FAM47E: variants seen among roughly 807,000 people sequenced by gnomAD.
FAM47E encodes the protein family with sequence similarity 47 member E.
In FAM47E, 32 loss-of-function variants were observed where a neutral mutation model predicts 41.6. That is an observed-to-expected ratio of 0.77 (90% CI 0.58 to 1.03). FAM47E has a LOEUF of 1.03. FAM47E is among the 50% of genes least tolerant of loss of function. FAM47E has a pLI of 0.00. For missense variants in FAM47E, 424 were observed against 485.4 expected (o/e 0.87, Z 1.19); for synonymous variants, 184 against 188.7 (o/e 0.98, Z 0.20).
chr4:76,235,182 G>A (rs1367159296), intron 2 of FAM47E, among the ~76,000 whole-genome samples: 4 of 152,108 alleles, frequency 2.6e-5, no homozygotes, highest in Admixed American at 1.3e-4. Context: ...GCCGGGCGTG[G>A]TGGCGGGCTT....
intron 2 of FAM47E, among the ~76,000 whole-genome samples, chr4:76,244,176 A>G (rs187579963): frequency 6.6e-5 from 10 of 152,272 alleles, no homozygotes; most frequent in Admixed American, 2.0e-4. Flanking sequence ...AGTCTTTGCT[A>G]TTGTGAATAG....
At chr4:76,279,438 T>A (rs1327128892) in intron 6 of FAM47E, 1 of 152,246 alleles carries the variant, frequency 6.6e-6, no homozygotes, top group Non-Finnish European at 1.5e-5. Context: ...TGACAAATGC[T>A]ATAAAGATGT....
upstream of FAM47E, among the ~76,000 whole-genome samples, chr4:76,247,512 A>G (rs555614534): frequency 2.0e-5 from 3 of 152,098 alleles, no homozygotes; most frequent in African/African-American, 7.2e-5. Context: ...AGGACTGCCA[A>G]ACTATTTTCC....
intron 5 of FAM47E, among the ~76,000 whole-genome samples, chr4:76,274,554 C>G (rs892599391): frequency 6.6e-6 from 1 of 152,170 alleles, no homozygotes; most frequent in African/African-American, 2.4e-5. Context: ...GTACTCCAGT[C>G]TGGGTAACAG....
chr4:76,252,717 C>A (rs775506460), intron 1 of FAM47E, among the ~76,000 whole-genome samples: 1 of 152,072 alleles, frequency 6.6e-6, no homozygotes, highest in Non-Finnish European at 1.5e-5. Flanking sequence ...GGAAGCTTCT[C>A]CCCCCCATTT....
intron 1 of FAM47E, 26 bp downstream of exon 1, chr4:76,251,846 G>A: frequency 7.1e-7 from 1 of 1,399,360 alleles, no homozygotes; most frequent in Non-Finnish European, 9.2e-7. Context: ...CCGGGCCGAG[G>A]GCGCATCCCA....
At chr4:76,251,566 C>G, upstream of FAM47E, 1 of 1,235,078 alleles carries the variant, frequency 8.1e-7, no homozygotes, top group Non-Finnish European at 1.0e-6. Context: ...TCCCTTCCCT[C>G]GGCCAGGTCC....
intron 2 of FAM47E, among the ~76,000 whole-genome samples, chr4:76,244,633 C>T (rs570256843): frequency 2.1e-4 from 32 of 150,882 alleles, no homozygotes; most frequent in Admixed American, 1.6e-3. Context: ...CTCCACCCTC[C>T]GAGTTCAAGT....
intron 2 of FAM47E, among the ~76,000 whole-genome samples, chr4:76,262,368 T>C (rs1304974210): frequency 6.6e-6 from 1 of 152,208 alleles, no homozygotes; most frequent in Non-Finnish European, 1.5e-5. Context: ...ATAATCTATC[T>C]CTCTTATACA....
At chr4:76,219,990 C>T (rs747290207) in intron 2 of FAM47E, among the ~76,000 whole-genome samples, 1 of 152,152 alleles carries the variant, frequency 6.6e-6, no homozygotes, top group Non-Finnish European at 1.5e-5. Context: ...CAATGAAAAA[C>T]GTTTCAGAAT....
intron 2 of FAM47E, among the ~76,000 whole-genome samples, 172 bp from the exon 3 acceptor site, chr4:76,263,532 G>A (rs1490873291): frequency 6.6e-6 from 1 of 152,066 alleles, no homozygotes; most frequent in Non-Finnish European, 1.5e-5. Context: ...TTTGGGATAT[G>A]GTCCAAATCT....
chr4:76,215,151 G>A (rs530092058), intron 1 of FAM47E, among the ~76,000 whole-genome samples: 1 of 152,352 alleles, frequency 6.6e-6, no homozygotes, highest in African/African-American at 2.4e-5. Context: ...TCAGGGTATG[G>A]ATTTCAGCAG....
intron 2 of FAM47E, among the ~76,000 whole-genome samples, chr4:76,261,055 C>T (rs1281505023): frequency 1.3e-5 from 2 of 150,710 alleles, no homozygotes; most frequent in African/African-American, 2.4e-5. Flanking sequence ...AGCCAACAAA[C>T]ATATGAAGAA....
At chr4:76,260,772 C>G (rs1317096673) in intron 2 of FAM47E, among the ~76,000 whole-genome samples, 1 of 152,104 alleles carries the variant, frequency 6.6e-6, no homozygotes, top group African/African-American at 2.4e-5. Flanking sequence ...AGTAAACAGA[C>G]AGCAGCCTGC....
chr4:76,234,477 G>A (rs982954352), intron 2 of FAM47E: 1 of 152,222 alleles, frequency 6.6e-6, no homozygotes, highest in Non-Finnish European at 1.5e-5. Flanking sequence ...AGGGACTCTT[G>A]CTAGGCCAGA....
rs930003249 is a variant in FAM47E, at chr4:76,257,687, T to TA, written c.420+1165dup. The stretch of plus-strand genomic sequence containing the variant: ...ACTTGCTCCAGACGGCTGCTTGGCT[T>TA]ACTCCTTCACTCCCTTTAGATCGAT... On this transcript the variant is annotated intron_variant, in intron 2 of 7. Coordinates refer to ENST00000424749, the MANE Select transcript of FAM47E (RefSeq NM_001136570.3). Among the ~76,000 whole-genome samples the TA allele has an allele frequency of 9.2e-5, 14 of 152,090 alleles. 1 individual carries two copies. Among genetic ancestry groups the TA allele is most frequent in the African/African-American group, 3.4e-4 (14 of 41,380 alleles).
chr4:76,224,190 T>C (rs562416608), intron 2 of FAM47E, among the ~76,000 whole-genome samples: 3 of 152,304 alleles, frequency 2.0e-5, no homozygotes, highest in Non-Finnish European at 2.9e-5. Flanking sequence ...TACATACATG[T>C]TTTCAGGTAG....
Position 76,283,550 on chromosome 4 carries a change from G to C in FAM47E, c.*92G>C. 1 of 780,264 alleles carries C rather than the reference G, an allele frequency of 1.3e-6. No homozygotes were observed. The highest frequency in any genetic ancestry group is 2.2e-6 in the Non-Finnish European group (1 of 464,982). The allele number at this position is 780,264 out of a possible 1,614,324, so 48.3% of individuals were successfully genotyped here. A position where few individuals can be genotyped will look rare whatever the true frequency, so the allele number is the denominator to read the frequency against. On this transcript the variant is annotated 3_prime_UTR_variant, in exon 8 of 8. Coordinates refer to ENST00000424749, the MANE Select transcript of FAM47E (RefSeq NM_001136570.3). ...TTAAAGATTAAACAGAGTTTATGAT[G>C]AGTGTCCCACTGTGGATGTTCAACT...
At chr4:76,229,250 TG>T (rs1733451952) in intron 2 of FAM47E, among the ~76,000 whole-genome samples, 1 of 152,228 alleles carries the variant, frequency 6.6e-6, no homozygotes, top group East Asian at 1.9e-4. Flanking sequence ...TGTCTTGTAT[TG>T]TTTTTTAAAT....
Sources: gnomAD v4.1 joint callset for allele counts (sites outside exome capture counted in the v4.1 genomes callset) on GRCh38, gnomAD v4.1.1 for gene constraint, MANE v1.5 for transcripts, NCBI Gene and HGNC (gene_info 2026-07-23, HGNC 2026-07-21) for gene names.